Variants in RBM10 observed in about 807,000 individuals in gnomAD.
The protein encoded by RBM10 is RNA binding motif protein 10.
In RBM10, 1 loss-of-function variant was observed where a neutral mutation model predicts 84.9. The ratio of observed to expected loss-of-function variants is 0.01; its 90% CI spans 0.00 to 0.06. The LOEUF (loss-of-function observed/expected upper bound fraction) is 0.06. RBM10 is among the 10% of genes least tolerant of loss of function. The probability of loss-of-function intolerance (pLI) is 1.00; values close to 1 mark genes in which losing one functional copy is unlikely to be tolerated. For synonymous variants in RBM10, 326 were observed against 344.5 expected (o/e 0.95, Z 0.60); for missense variants, 438 against 839.0 (o/e 0.52, Z 5.90).
At chrX:47,168,419 G>A (rs1049919114) in intron 2 of RBM10, among the ~76,000 whole-genome samples, 6 of 110,823 alleles carry the variant, frequency 5.4e-5, no homozygotes, top group East Asian at 5.6e-4. Context: ...GTGGTGGTGC[G>A]TGCCTGTGGT....
At chrX:47,176,367 G>A (rs1299401150) in intron 6 of RBM10, 133 bp from the exon 7 acceptor site, 27 of 1,099,753 alleles carry the variant, frequency 2.5e-5, no homozygotes, top group South Asian at 8.0e-5. Flanking sequence ...CCCTCCATCC[G>A]CTCTCCGACC....
At position 47,186,498 on chromosome X, in the gene RBM10, G is replaced by A. The variant is rs1250743341; in HGVS notation, c.2692G>A (p.Gly898Ser). 1 of 1,208,275 alleles carries A rather than the reference G, an allele frequency of 8.3e-7. No individual in the cohort carries two copies. The highest frequency in any genetic ancestry group is 1.1e-6 in the Non-Finnish European group (1 of 893,948). Residue 898 changes from glycine (G) to serine (S), a missense_variant, in exon 24 of 24, where the codon GGC becomes AGC. Gly to Ser is a moderately conservative substitution (Grantham distance 56, BLOSUM62 0). Transcript: ENST00000377604. ...GGCCCAAACACGGGTGCGGGGCTCC[G>A]GCCTGGGTGCACGGGGCAGCTCCTA... ...IEAQTRVRGS[G>S]LGARGSSYGV...
At chrX:47,160,639 C>T (rs1369729031) in intron 2 of RBM10, among the ~76,000 whole-genome samples, 2 of 110,554 alleles carry the variant, frequency 1.8e-5, no homozygotes, top group Non-Finnish European at 3.8e-5. Context: ...TGCTTATATA[C>T]TGTTGGTGGG....
chrX:47,156,854 G>A (rs782788626), intron 2 of RBM10: 3 of 193,267 alleles, frequency 1.6e-5, no homozygotes, highest in Non-Finnish European at 2.9e-5. Context: ...TCGCCGGCTT[G>A]GCCAGGAGCT....
chrX:47,147,770 G>A (rs1932423489), intron 2 of RBM10, among the ~76,000 whole-genome samples: 1 of 110,954 alleles, frequency 9.0e-6, no homozygotes, highest in Admixed American at 9.6e-5. Context: ...GGGAGGTTGA[G>A]GTTGGGGCTA....
At position 47,181,413 on chromosome X, in the gene RBM10, C is replaced by A. The variant is rs368993366; in HGVS notation, c.1435+12C>A. ...TCCCACTGGAGCAGGTGAGCCCCAG[C>A]ATCTCTCTCTGCAGCTGTGGTGGGG... On this transcript the variant is annotated intron_variant, in intron 13 of 23. Transcript: ENST00000377604. The A allele has an allele frequency of 1.2e-4, 142 of 1,206,368 alleles. No homozygotes were observed. Among genetic ancestry groups the A allele is most frequent in the Non-Finnish European group, 1.6e-4 (141 of 892,813 alleles).
At chrX:47,170,963 C>T (rs1034615780) in intron 3 of RBM10, 65 bp from the exon 4 acceptor site, 3 of 1,109,226 alleles carry the variant, frequency 2.7e-6, no homozygotes, top group East Asian at 3.0e-5. Context: ...GAGCCAGCGG[C>T]CAGCTCCTAG....
At chrX:47,157,814 C>T in intron 2 of RBM10, 1 of 353,530 alleles carries the variant, frequency 2.8e-6, no homozygotes, top group Non-Finnish European at 4.9e-6. Flanking sequence ...CAGTCTCACT[C>T]AGTCGCCCAG....
chrX:47,158,164 G>T, intron 2 of RBM10: 1 of 244,055 alleles, frequency 4.1e-6, no homozygotes, highest in Non-Finnish European at 7.6e-6. Flanking sequence ...CATGCAGCCA[G>T]TAGCCAACTC....
At chrX:47,179,518 C>T (rs1556777973) in intron 9 of RBM10, 23 bp downstream of exon 9, 1 of 1,190,680 alleles carries the variant, frequency 8.4e-7, no homozygotes, top group Non-Finnish European at 1.1e-6. Flanking sequence ...TTCCTTCTTC[C>T]TCTGTGCCCT....
intron 12 of RBM10, among the ~76,000 whole-genome samples, 178 bp from the exon 13 acceptor site, chrX:47,181,037 G>T (rs994392522): frequency 1.4e-4 from 16 of 111,206 alleles, no homozygotes; most frequent in African/African-American, 5.2e-4. Flanking sequence ...TTTGCCACTG[G>T]CCTATTTGTT....
chrX:47,183,532 T>G (rs1234558333), intron 17 of RBM10, among the ~76,000 whole-genome samples: 3 of 107,148 alleles, frequency 2.8e-5, no homozygotes, highest in Non-Finnish European at 5.8e-5. Flanking sequence ...AAAATATATA[T>G]ATATTATATA....
intron 21 of RBM10, 101 bp downstream of exon 21, chrX:47,185,891 A>T: frequency 8.5e-7 from 1 of 1,171,339 alleles, no homozygotes; most frequent in South Asian, 1.9e-5. Context: ...TAACCCCGTG[A>T]GCCTTCTTCC....
rs2147219940 is a variant in RBM10 at position 47,185,746 on chromosome X, T to C, written c.2386T>C (p.Leu796=). 2 of 1,211,740 alleles carry C rather than the reference T, an allele frequency of 1.7e-6. No individual in the cohort carries two copies. The highest frequency in any genetic ancestry group is 2.2e-6 in the Non-Finnish European group (2 of 895,420). Residue 796 remains leucine, a synonymous_variant, in exon 21 of 24, where the codon TTG becomes CTG. Transcript: ENST00000377604. ...CCTTGAGATTCACCGGCGAGCCCAC[T>C]TGTCAGAAAACGAGCTAGAAGCACT... The part of the protein sequence containing the change: ...QNLEIHRRAH[L]SENELEALEK...
rs1184484504 is a variant in RBM10, at chrX:47,181,265, C to T, written c.1299C>T (p.Val433=). The part of the protein sequence containing the change: ...GTWATSEEPP[V]DYSYYQQDEG... ...GGGCCACCTCCGAGGAGCCGCCGGT[C>T]GACTACAGCTACTACCAACAGGATG... Residue 433 remains valine (V), a synonymous_variant, in exon 13 of 24, where the codon GTC becomes GTT. Coordinates refer to ENST00000377604, the MANE Select transcript of RBM10 (RefSeq NM_005676.5). 5.1e-6 allele frequency: 6 copies of T among 1,172,026 alleles called. No homozygotes were observed. Among genetic ancestry groups the T allele is most frequent in the African/African-American group, 3.6e-5 (2 of 55,075 alleles).
intron 4 of RBM10, among the ~76,000 whole-genome samples, 200 bp from the exon 5 acceptor site, chrX:47,172,928 A>C (rs1462921064): frequency 8.9e-6 from 1 of 112,200 alleles, no homozygotes; most frequent in Non-Finnish European, 1.9e-5. Context: ...CACTTTCTGC[A>C]AGTCTGGGGC....
chrX:47,180,347 T>TCC, intron 11 of RBM10, 38 bp downstream of exon 11: 14 of 210,653 alleles, frequency 6.6e-5, no homozygotes, highest in Non-Finnish European at 8.6e-5. Context: ...ACCCTTCCCC[T>TCC]CCCCACCCTC....
chrX:47,155,606 G>A (rs868973715), intron 2 of RBM10, among the ~76,000 whole-genome samples: 21 of 105,000 alleles, frequency 2.0e-4, no homozygotes, highest in Admixed American at 1.2e-3. Flanking sequence ...GGTGGCGGGC[G>A]CCTGTAGTCC....
chrX:47,176,677 C>T, intron 7 of RBM10, 91 bp downstream of exon 7: 1 of 1,164,193 alleles, frequency 8.6e-7, no homozygotes. Context: ...CTTTCTCCCT[C>T]CATCTCTCCC....
Sources: allele counts gnomAD v4.1 joint callset (sites outside exome capture counted in the v4.1 genomes callset), GRCh38; gene constraint gnomAD v4.1.1; transcripts MANE v1.5; gene names NCBI Gene and HGNC (gene_info 2026-07-23, HGNC 2026-07-21).